LRIF1: variants seen among roughly 807,000 people sequenced by gnomAD.
LRIF1 encodes the protein ligand-dependent nuclear receptor-interacting factor 1.
A neutral mutation model predicts 52.7 loss-of-function variants in LRIF1; 32 were observed. The ratio of observed to expected loss-of-function variants is 0.61; its 90% confidence interval spans 0.46 to 0.82. The LOEUF is 0.82. Among genes scored for constraint, LRIF1 ranks in the 40% least tolerant of loss-of-function variants. The probability of loss-of-function intolerance (pLI) is 0.00; values close to 1 mark genes in which losing one functional copy is unlikely to be tolerated. For synonymous variants in LRIF1, 323 were observed against 317.4 expected (o/e 1.02, Z -0.19); for missense variants, 887 against 892.0 (o/e 0.99, Z 0.07).
downstream of LRIF1, among the ~76,000 whole-genome samples, chr1:110,946,762 C>A (rs1030403511): frequency 1.3e-5 from 2 of 149,706 alleles, no homozygotes; most frequent in East Asian, 2.0e-4. Context: ...CAGGTTCAAG[C>A]GATTCTCCTG....
the LRIF1 span, chr1:110,892,208 G>C: frequency 1.4e-6 from 1 of 723,490 alleles, no homozygotes; most frequent in Admixed American, 2.1e-5. Flanking sequence ...GGAAAAGTTT[G>C]GTAAAGAAAT....
chr1:110,951,115 C>A (rs2101108305), intron 2 of LRIF1, among the ~76,000 whole-genome samples, 173 bp downstream of exon 2: 1 of 152,244 alleles, frequency 6.6e-6, no homozygotes, highest in Middle Eastern at 3.4e-3. Flanking sequence ...AACTGTACTC[C>A]TCCTCAAATT....
In LRIF1 at chr1:110,951,755, A is replaced by G. The variant is rs762763677; in HGVS notation, c.1129T>C (p.Ser377Pro). Reference sequence around the variant, plus strand: ...ACAGAATTCTGTTGGTCAATTTGTGATGGCAGAACATCTGTCCCCTTTTTA... The same window carrying G: ...ACAGAATTCTGTTGGTCAATTTGTGGTGGCAGAACATCTGTCCCCTTTTTA... ...LAKKGTDVLP[S>P]QIDQQNSVSP... Residue 377 changes from serine to proline, a missense_variant, in exon 2 of 4, where the codon TCA becomes CCA. Ser to Pro is a moderately conservative substitution (Grantham distance 74). Transcript: ENST00000369763. 2.0e-4 allele frequency: 320 copies of G among 1,613,164 alleles called. No individual in the cohort carries two copies. Among genetic ancestry groups the G allele is most frequent in the Non-Finnish European group, 2.7e-4 (314 of 1,180,002 alleles).
the LRIF1 span, chr1:110,899,957 T>C: frequency 1.3e-5 from 2 of 152,660 alleles, no homozygotes; most frequent in African/African-American, 2.4e-5. Flanking sequence ...ACTCCTTCCA[T>C]GACCCAGCCT....
the LRIF1 span, among the ~76,000 whole-genome samples, chr1:110,878,672 T>G: frequency 6.6e-6 from 1 of 152,220 alleles, no homozygotes; most frequent in Non-Finnish European, 1.5e-5. Context: ...ATATATATTC[T>G]CAATCTTAGC....
At chr1:110,876,299 T>C in the LRIF1 span, among the ~76,000 whole-genome samples, 49 of 152,330 alleles carry the variant, frequency 3.2e-4, no homozygotes, top group African/African-American at 1.2e-3. Flanking sequence ...CATTATACTA[T>C]AGTCCCTTTT....
At chr1:110,894,864 G>C in the LRIF1 span, 1 of 885,248 alleles carries the variant, frequency 1.1e-6, no homozygotes, top group Admixed American at 1.8e-5. Context: ...TGGAAGGGAA[G>C]CGCAAGTGGA....
At chr1:110,891,876 T>C in the LRIF1 span, among the ~76,000 whole-genome samples, 1 of 152,224 alleles carries the variant, frequency 6.6e-6, no homozygotes, top group Admixed American at 6.5e-5. Flanking sequence ...CTGTATAAAA[T>C]TCAGCAATTG....
In LRIF1 at chr1:110,949,940, C is replaced by T. The variant is rs756568797; in HGVS notation, c.1780G>A (p.Gly594Arg). ...LTRIPDHLTS[G>R]EGFDSFSSLV... is the part of the protein sequence containing the mutation. ...CTGCTAAAGGAATCGAAACCTTCTC[C>T]AGAGGTCAAATGGTCAGGAATTCGA... The change falls in exon 3 of 4, where the codon GGA becomes AGA. Residue 594 changes from glycine to arginine, a missense_variant. By Grantham distance (125) the Gly-to-Arg change is moderately radical (BLOSUM62 -2). Transcript: ENST00000369763. 5 of 1,614,112 alleles carry T rather than the reference C, an allele frequency of 3.1e-6. No individual in the cohort carries two copies. The South Asian group carries it at 4.4e-5, about 14-fold the overall frequency.
At chr1:110,953,995 G>A (rs1019936115) in intron 1 of LRIF1, among the ~76,000 whole-genome samples, 4 of 152,074 alleles carry the variant, frequency 2.6e-5, no homozygotes, top group African/African-American at 4.8e-5. Context: ...CTACCAATAT[G>A]AGTGCAGCAT....
the LRIF1 span, among the ~76,000 whole-genome samples, chr1:110,911,577 T>C: frequency 6.6e-6 from 1 of 152,108 alleles, no homozygotes; most frequent in Admixed American, 6.5e-5. Flanking sequence ...CCAATATACC[T>C]GATGAACACA....
chr1:110,900,884 T>C, the LRIF1 span, among the ~76,000 whole-genome samples: 6 of 151,990 alleles, frequency 3.9e-5, no homozygotes, highest in Admixed American at 1.3e-4. Flanking sequence ...AGAAGCTAAA[T>C]TGAATTGTCT....
chr1:110,915,490 AAAAT>A, the LRIF1 span, among the ~76,000 whole-genome samples: 24 of 141,938 alleles, frequency 1.7e-4, no homozygotes, highest in African/African-American at 4.8e-4. Flanking sequence ...TCCGTCTCAA[AAAAT>A]AAATAAATAA....
chr1:110,941,912 C>G, the LRIF1 span: 1 of 152,056 alleles, frequency 6.6e-6, no homozygotes, highest in South Asian at 2.1e-4. Context: ...TTCTTTTGAA[C>G]AAATGAGCAG....
the LRIF1 span, among the ~76,000 whole-genome samples, chr1:110,900,957 C>T: frequency 6.6e-6 from 1 of 151,982 alleles, no homozygotes; most frequent in South Asian, 2.1e-4. Context: ...AAGACCATAT[C>T]TAATAGGGAG....
chr1:110,892,051 T>C, the LRIF1 span, among the ~76,000 whole-genome samples: 2 of 152,196 alleles, frequency 1.3e-5, no homozygotes, highest in Non-Finnish European at 2.9e-5. Flanking sequence ...ACTGAAAAGA[T>C]AAGGAAAAAG....
chr1:110,918,054 CTT>C, the LRIF1 span, among the ~76,000 whole-genome samples: 1 of 152,070 alleles, frequency 6.6e-6, no homozygotes, highest in Admixed American at 6.5e-5. Flanking sequence ...AAATTAAAAA[CTT>C]TTAACAAAAT....
the LRIF1 span, among the ~76,000 whole-genome samples, chr1:110,886,884 CTG>C: frequency 3.0e-5 from 2 of 67,040 alleles, no homozygotes; most frequent in African/African-American, 7.7e-5. Flanking sequence ...TTTTTTCTGT[CTG>C]TGTTTCTTTG....
At chr1:110,880,033 G>A in the LRIF1 span, among the ~76,000 whole-genome samples, 1 of 152,200 alleles carries the variant, frequency 6.6e-6, no homozygotes, top group East Asian at 1.9e-4. Flanking sequence ...AAACTAAAGA[G>A]CAAAGTTGAT....
Sources: allele counts gnomAD v4.1 joint callset (sites outside exome capture counted in the v4.1 genomes callset), GRCh38; gene constraint gnomAD v4.1.1; transcripts MANE v1.5; gene names NCBI Gene and HGNC (gene_info 2026-07-23, HGNC 2026-07-21).